The following SP110 variants were observed in gnomAD, a reference collection of about 807,000 sequenced individuals.
SP110 encodes SP110 nuclear body protein.
In SP110, 62 loss-of-function variants were observed where a neutral mutation model predicts 92.7. That is an observed-to-expected ratio of 0.67 (90% CI 0.55 to 0.83). The LOEUF is 0.83. Among genes scored for constraint, SP110 ranks in the 40% least tolerant of loss-of-function variants. SP110 has a pLI of 0.00. For synonymous variants in SP110, 273 were observed against 305.3 expected (o/e 0.89, Z 1.10); for missense variants, 793 against 863.9 (o/e 0.92, Z 1.03).
chr2:230,210,126 T>C, intron 6 of SP110, 118 bp from the exon 7 acceptor site: 4 of 769,738 alleles, frequency 5.2e-6, no homozygotes, highest in Non-Finnish European at 4.7e-6. Flanking sequence ...GCCGGGAATC[T>C]GCTTGCCCTA....
intron 10 of SP110, among the ~76,000 whole-genome samples, chr2:230,198,573 A>C (rs1000675163): frequency 1.3e-5 from 2 of 152,070 alleles, no homozygotes; most frequent in East Asian, 3.9e-4. Flanking sequence ...CCGTGCAACC[A>C]GTCCTGGCAA....
intron 17 of SP110, 64 bp downstream of exon 17, chr2:230,171,632 C>G (rs769720923): frequency 8.1e-7 from 1 of 1,240,344 alleles, no homozygotes; most frequent in Admixed American, 1.7e-5. Flanking sequence ...GCAGCACCTG[C>G]CAGATCAGCC....
chr2:230,177,450 C>T (rs923292862), intron 14 of SP110, 88 bp downstream of exon 14: 49 of 1,342,164 alleles, frequency 3.7e-5, no homozygotes, highest in Middle Eastern at 1.8e-4. Flanking sequence ...TGAATCCTAA[C>T]GGGAGCTCTT....
chr2:230,201,897 A>C (rs1429172830), intron 9 of SP110, among the ~76,000 whole-genome samples: 1 of 152,242 alleles, frequency 6.6e-6, no homozygotes, highest in African/African-American at 2.4e-5. Flanking sequence ...GTAGTATTAA[A>C]GGTGAATATC....
At position 230,211,240 on chromosome 2, in the gene SP110, G is replaced by A. The variant is rs1328667930; in HGVS notation, c.751+230C>T. ...CATCATCATCCGTGGCCCTATCCAA[G>A]TCTACCTTTTCCAGACTTGCCTCCT... On this transcript the variant is annotated intron_variant, in intron 6 of 18. Coordinates refer to ENST00000258381, the MANE Select transcript of SP110 (RefSeq NM_080424.4). The surrounding 1 kb of genome is among the most constrained non-coding windows in gnomAD (Gnocchi z 4.2). Among the ~76,000 whole-genome samples, 1 of 152,134 alleles carries A rather than the reference G, an allele frequency of 6.6e-6. No individual in the cohort carries two copies. The highest frequency in any genetic ancestry group is 6.5e-5 in the Admixed American group (1 of 15,268).
In SP110 at chr2:230,217,245, CA is replaced by C. The variant is rs6147220; in HGVS notation, c.-1-318del. On this transcript the variant is annotated intron_variant, in intron 1 of 18. Transcript: ENST00000258381. Reference sequence around the variant, plus strand: ...TGGGTGACAGAGTGAGACTCCATCTCAAAAAAAAAAAAAAAAAAAATAGAAG... The same window carrying C: ...TGGGTGACAGAGTGAGACTCCATCTCAAAAAAAAAAAAAAAAAAATAGAAG... 2.8e-3 allele frequency among the ~76,000 whole-genome samples: 220 copies of C among 79,798 alleles called. 2 individuals are homozygous for C. The highest frequency in any genetic ancestry group is 0.013 in the Middle Eastern group (2 of 152). 52.4% of individuals were successfully genotyped at this position (79,798 alleles called of 152,430 possible).
chr2:230,223,039 CTTTT>C (rs34477714), upstream of SP110, among the ~76,000 whole-genome samples: 1 of 136,766 alleles, frequency 7.3e-6, no homozygotes, highest in Admixed American at 7.4e-5. Context: ...ATCAGTCTGA[CTTTT>C]TTTTTTTTTT....
chr2:230,197,319 T>C (rs1191925707), intron 10 of SP110, among the ~76,000 whole-genome samples: 4 of 148,566 alleles, frequency 2.7e-5, no homozygotes, highest in African/African-American at 7.4e-5. Context: ...TTTCATGTGT[T>C]TTTTGGCTGC....
intron 9 of SP110, among the ~76,000 whole-genome samples, chr2:230,201,682 T>G (rs941711722): frequency 1.3e-5 from 2 of 152,246 alleles, no homozygotes; most frequent in African/African-American, 4.8e-5. Context: ...CTTGTGTGAT[T>G]GAGATACAAG....
chr2:230,191,265 G>A (rs926750864), intron 10 of SP110, among the ~76,000 whole-genome samples: 3 of 152,014 alleles, frequency 2.0e-5, no homozygotes, highest in Non-Finnish European at 2.9e-5. Flanking sequence ...CCAAAAGCTA[G>A]CAGAAGACAA....
intron 2 of SP110, among the ~76,000 whole-genome samples, chr2:230,215,522 T>C (rs780973741): frequency 6.6e-6 from 1 of 152,234 alleles, no homozygotes; most frequent in Non-Finnish European, 1.5e-5. Flanking sequence ...TTCTGCTGGT[T>C]GCTTGTGAGC....
At position 230,167,275 on chromosome 2, in the gene SP110, T is replaced by TTA. The variant is rs2078324572; in HGVS notation, c.*1848_*1849insTA. 9.3e-5 allele frequency: 1 copy of TTA among 10,756 alleles called. No homozygotes were observed. Among genetic ancestry groups the TTA allele is most frequent in the African/African-American group, 3.6e-4 (1 of 2,808 alleles). 0.7% of individuals were successfully genotyped at this position (10,756 alleles called of 1,614,324 possible). A position where few individuals can be genotyped will look rare whatever the true frequency, so the allele number is the denominator to read the frequency against. The stretch of plus-strand genomic sequence containing the variant: ...ACCTTGCCCAGCTAATTAAAAAGAT[T>TTA]TTTTTTTTTTTTTTTTTGTAGAGAT... On this transcript the variant is annotated 3_prime_UTR_variant, in exon 19 of 19. Coordinates refer to ENST00000258381, the MANE Select transcript of SP110 (RefSeq NM_080424.4).
rs1369425728 is a variant in SP110, at chr2:230,169,194, A to G, written c.2072T>C (p.Phe691Ser). Residue 691 changes from phenylalanine to serine, a missense_variant, in exon 19 of 19, where the codon TTT becomes TCT. Physicochemically the swap from Phe to Ser is radical, Grantham distance 155. Coordinates refer to ENST00000258381, the MANE Select transcript of SP110 (RefSeq NM_080424.4). ...GQVGLDLEAE[F>S]EKDLKDVLGF... is the part of the protein sequence containing the mutation. ...GAGCACGTCTTTGAGATCTTTTTCA[A>G]ATTCTGCCTCTAAGTCAAGTCCTAC... 1 of 1,614,024 alleles carries G rather than the reference A, an allele frequency of 6.2e-7. No individual in the cohort carries two copies. The highest frequency in any genetic ancestry group is 1.1e-5 in the South Asian group (1 of 91,076).
intron 14 of SP110, chr2:230,176,841 C>A: frequency 9.1e-7 from 1 of 1,093,612 alleles, no homozygotes; most frequent in Non-Finnish European, 1.4e-6. Context: ...GGATCTCAAA[C>A]CCAAGAAGTC....
At chr2:230,204,534 A>G (rs1392316237) in intron 8 of SP110, among the ~76,000 whole-genome samples, 1 of 152,138 alleles carries the variant, frequency 6.6e-6, no homozygotes, top group Non-Finnish European at 1.5e-5. Flanking sequence ...ATAACACAAT[A>G]ATGAATTCAT....
In SP110 at chr2:230,169,120, A is replaced by C. The variant is rs202138214; in HGVS notation, c.*4T>G. 1.7e-5 allele frequency: 27 copies of C among 1,584,260 alleles called. No individual in the cohort carries two copies. Among genetic ancestry groups the C allele is most frequent in the Non-Finnish European group, 2.2e-5 (25 of 1,153,028 alleles). On this transcript the variant is annotated 3_prime_UTR_variant, in exon 19 of 19. Transcript: ENST00000258381. Reference sequence around the variant, plus strand: ...GGGGATGCTTCAGTCTTTACAGAACAGGGTCAAGGAAGAGTCCAGAAACCG... The same window carrying C: ...GGGGATGCTTCAGTCTTTACAGAACCGGGTCAAGGAAGAGTCCAGAAACCG...
Position 230,168,330 on chromosome 2 carries a change from A to C in SP110, c.*794T>G, listed in dbSNP as rs1406421525. 6.6e-6 allele frequency: 1 copy of C among 152,046 alleles called. No individual in the cohort carries two copies. The highest frequency in any genetic ancestry group is 1.5e-5 in the Non-Finnish European group (1 of 68,006). The allele number at this position is 152,046 out of a possible 1,614,324, so 9.4% of individuals were successfully genotyped here. ...CAAGCATTTATCCTATTTTTTGTAC[A>C]ACCTGTATTTCAAGGTAACCGAATA... is the stretch of plus-strand genomic sequence containing the variant. On this transcript the variant is annotated 3_prime_UTR_variant, in exon 19 of 19. Transcript: ENST00000258381.
At chr2:230,219,829 C>T in intron 1 of SP110, 45 bp downstream of exon 1, 1 of 783,082 alleles carries the variant, frequency 1.3e-6, no homozygotes, top group Non-Finnish European at 1.6e-6. Context: ...CTAAGAGCTG[C>T]AGTCACCAAG....
At chr2:230,172,453 G>T (rs1377175612) in intron 15 of SP110, 1 of 555,700 alleles carries the variant, frequency 1.8e-6, no homozygotes, top group Non-Finnish European at 3.2e-6. Context: ...AACCCTGCCT[G>T]CCAGGCTTGA....
Sources: gnomAD v4.1 joint callset for allele counts (sites outside exome capture counted in the v4.1 genomes callset) on GRCh38, gnomAD v4.1.1 for gene constraint, Gnocchi (gnomAD v3.1) non-coding constraint, MANE v1.5 for transcripts, NCBI Gene and HGNC (gene_info 2026-07-23, HGNC 2026-07-21) for gene names.